RNF130: variants seen among roughly 807,000 people sequenced by gnomAD.
RNF130 encodes the protein ring finger protein 130, also known as E3 ubiquitin-protein ligase RNF130.
A neutral mutation model predicts 44.6 loss-of-function variants in RNF130; 21 were observed. The ratio of observed to expected loss-of-function variants is 0.47; its 90% CI spans 0.33 to 0.68. RNF130 has a LOEUF of 0.68. Among genes scored for constraint, RNF130 ranks in the 30% least tolerant of loss-of-function variants. The pLI is 0.02. For synonymous variants in RNF130, 214 were observed against 210.4 expected (o/e 1.02, Z -0.15); for missense variants, 479 against 560.6 (o/e 0.85, Z 1.47).
intron 1 of RNF130, among the ~76,000 whole-genome samples, chr5:180,067,347 A>G (rs1195022725): frequency 3.9e-5 from 6 of 152,182 alleles, no homozygotes; most frequent in Non-Finnish European, 7.3e-5. Flanking sequence ...GCTATCAAAT[A>G]TATGTTACAT....
chr5:180,047,535 G>A (rs979807479), intron 1 of RNF130, among the ~76,000 whole-genome samples: 3 of 151,992 alleles, frequency 2.0e-5, no homozygotes, highest in East Asian at 1.9e-4. Context: ...ACCTGAGGTC[G>A]GGAGTTCAAG....
At chr5:180,057,133 G>C (rs1384459514) in intron 1 of RNF130, among the ~76,000 whole-genome samples, 1 of 152,216 alleles carries the variant, frequency 6.6e-6, no homozygotes. Flanking sequence ...GGTTGCCAGA[G>C]GAACCAATCA....
intron 7 of RNF130, among the ~76,000 whole-genome samples, chr5:179,939,137 A>G (rs1761938807): frequency 6.6e-6 from 1 of 152,086 alleles, no homozygotes; most frequent in African/African-American, 2.4e-5. Context: ...GAATCGCTTG[A>G]ACTCGGGAGG....
chr5:179,921,083 T>G (rs911493321), intron 7 of RNF130, among the ~76,000 whole-genome samples: 7 of 152,184 alleles, frequency 4.6e-5, no homozygotes, highest in African/African-American at 1.7e-4. Flanking sequence ...TGTGCTTACA[T>G]TTCCTTTTCT....
chr5:180,054,949 T>G (rs912586982), intron 1 of RNF130, among the ~76,000 whole-genome samples: 8 of 152,196 alleles, frequency 5.3e-5, no homozygotes, highest in African/African-American at 1.9e-4. Flanking sequence ...CATATAGAAC[T>G]ACAACTGACT....
intron 1 of RNF130, 38 bp downstream of exon 1, chr5:180,071,418 C>T: frequency 8.9e-6 from 11 of 1,231,300 alleles, no homozygotes; most frequent in Non-Finnish European, 1.1e-5. Flanking sequence ...ACGCGGGATG[C>T]AGCGACCACC....
At chr5:180,051,196 A>C (rs1764678940) in intron 1 of RNF130, among the ~76,000 whole-genome samples, 1 of 152,022 alleles carries the variant, frequency 6.6e-6, no homozygotes, top group Admixed American at 6.6e-5. Flanking sequence ...TAAAAAGGTG[A>C]TACATTCTTA....
intron 4 of RNF130, among the ~76,000 whole-genome samples, chr5:179,979,409 G>T (rs1425921773): frequency 6.6e-6 from 1 of 151,630 alleles, no homozygotes; most frequent in East Asian, 1.9e-4. Flanking sequence ...GGAAGACAGA[G>T]AATCATATGA....
intron 7 of RNF130, among the ~76,000 whole-genome samples, chr5:179,947,569 G>A (rs1326058257): frequency 6.6e-6 from 1 of 152,208 alleles, no homozygotes; most frequent in African/African-American, 2.4e-5. Flanking sequence ...TACCAGCAGG[G>A]CAACCTTGGC....
In RNF130 at chr5:179,966,838, G is replaced by A. The variant is rs539297895; in HGVS notation, c.1118C>T (p.Pro373Leu). The change falls in exon 7 of 9, where the codon CCG becomes CTG. Residue 373 changes from proline to leucine, a missense_variant. Coordinates refer to ENST00000521389, the MANE Select transcript of RNF130 (RefSeq NM_018434.6). ...TGCAATGTTGATTTCTCCTGTTCTC[G>A]GAGTGAGCTCCCCATCCTGAGGAAG... is the stretch of plus-strand genomic sequence containing the variant. ...SPLPQDGELT[P>L]RTGEINIAVT... 23 of 1,614,112 alleles carry A rather than the reference G, an allele frequency of 1.4e-5. No individual in the cohort carries two copies. The highest frequency in any genetic ancestry group is 1.3e-4 in the African/African-American group (10 of 75,046).
intron 3 of RNF130, among the ~76,000 whole-genome samples, chr5:180,011,252 G>C (rs1763590203): frequency 6.6e-6 from 1 of 151,866 alleles, no homozygotes; most frequent in African/African-American, 2.4e-5. Flanking sequence ...ATCAATCCAG[G>C]ATTTTCTTTG....
At chr5:180,040,369 G>A in intron 2 of RNF130, 84 bp downstream of exon 2, 1 of 1,255,258 alleles carries the variant, frequency 8.0e-7, no homozygotes, top group Non-Finnish European at 1.1e-6. Context: ...AAATTACATG[G>A]CTTCAGCAGA....
At chr5:179,920,421 G>T in exon 8 of RNF130, 1 of 702,386 alleles carries the variant, frequency 1.4e-6, no homozygotes, top group South Asian at 1.5e-5. Flanking sequence ...TGAAAGAAGT[G>T]ACCACCTGGA....
chr5:179,999,952 CATT>C (rs1763296865), intron 3 of RNF130, among the ~76,000 whole-genome samples: 1 of 152,114 alleles, frequency 6.6e-6, no homozygotes, highest in African/African-American at 2.4e-5. Context: ...TATTGTTTAT[CATT>C]AAGGTTTGGC....
chr5:179,937,680 C>G (rs1761911619), intron 7 of RNF130, among the ~76,000 whole-genome samples: 1 of 152,052 alleles, frequency 6.6e-6, no homozygotes, highest in African/African-American at 2.4e-5. Context: ...TTCTATGACC[C>G]AGCAATTCCA....
chr5:179,922,605 G>A (rs540646885), intron 7 of RNF130, among the ~76,000 whole-genome samples: 27 of 151,642 alleles, frequency 1.8e-4, no homozygotes, highest in African/African-American at 5.3e-4. Context: ...CACCACGCCC[G>A]GCTTGGGCTG....
chr5:179,920,435 G>T (rs544061427), intron 7 of RNF130: 1 of 702,102 alleles, frequency 1.4e-6, no homozygotes, highest in Non-Finnish European at 2.6e-6. Flanking sequence ...ACCTGGAAAA[G>T]GAAGAAGAGA....
At chr5:179,972,268 A>G (rs1188292697) in intron 5 of RNF130, among the ~76,000 whole-genome samples, 1 of 152,190 alleles carries the variant, frequency 6.6e-6, no homozygotes, top group Non-Finnish European at 1.5e-5. Flanking sequence ...ACTCCCTTAG[A>G]TCTGATAGAA....
chr5:179,937,929 T>TGAGAGAGAGAGAGA (rs1438019287), intron 7 of RNF130, among the ~76,000 whole-genome samples: 2 of 134,648 alleles, frequency 1.5e-5, no homozygotes, highest in African/African-American at 6.1e-5. Flanking sequence ...TGTGTGTGTG[T>TGAGAGAGAGAGAGA]GTGTGAGAGA....
Sources: gnomAD v4.1 joint callset for allele counts (sites outside exome capture counted in the v4.1 genomes callset) on GRCh38, gnomAD v4.1.1 for gene constraint, MANE v1.5 for transcripts, NCBI Gene and HGNC (gene_info 2026-07-23, HGNC 2026-07-21) for gene names.